SLC41A3: variants seen among roughly 807,000 people sequenced by gnomAD.
SLC41A3 encodes the protein solute carrier family 41 member 3.
In SLC41A3, 44 loss-of-function variants were observed where a neutral mutation model predicts 45.4. The observed-to-expected ratio is 0.97, with a 90% confidence interval of 0.76 to 1.25. The LOEUF (loss-of-function observed/expected upper bound fraction) is 1.25. Ranked by LOEUF, SLC41A3 falls within the 50% of genes most tolerant of loss-of-function variation. The probability of loss-of-function intolerance (pLI) is 0.00; values close to 1 mark genes in which losing one functional copy is unlikely to be tolerated. For missense variants in SLC41A3, 550 were observed against 600.6 expected (o/e 0.92, Z 0.88); for synonymous variants, 256 against 252.4 (o/e 1.01, Z -0.13).
chr3:126,082,732 C>T (rs573938015), intron 1 of SLC41A3, among the ~76,000 whole-genome samples: 2 of 152,362 alleles, frequency 1.3e-5, no homozygotes, highest in South Asian at 2.1e-4. Flanking sequence ...CACCCCAGTG[C>T]GAACACATCC....
chr3:126,022,866 G>T lies in SLC41A3; in HGVS notation c.665C>A (p.Thr222Lys), dbSNP rs371098646. 6.2e-7 allele frequency: 1 copy of T among 1,614,230 alleles called. No homozygotes were observed. The highest frequency in any genetic ancestry group is 8.5e-7 in the Non-Finnish European group (1 of 1,180,046). Residue 222 changes from threonine (T) to lysine (K), a missense_variant, in exon 6 of 11, where the codon ACG (threonine) becomes AAG (lysine). Coordinates refer to ENST00000360370, the MANE Select transcript of SLC41A3 (RefSeq NM_017836.4). Reference sequence around the variant, plus strand: ...GTCTCCCAGGCTGGCTGCAATGGGCGTGGCAATGTTGTCTGGGTTGACCCC... The same window carrying T: ...GTCTCCCAGGCTGGCTGCAATGGGCTTGGCAATGTTGTCTGGGTTGACCCC... ...KLGVNPDNIA[T>K]PIAASLGDLI...
At chr3:126,093,196 C>T (rs369378678) in intron 1 of SLC41A3, among the ~76,000 whole-genome samples, 44 of 152,258 alleles carry the variant, frequency 2.9e-4, no homozygotes, top group East Asian at 1.9e-3. Context: ...TTTAAACAAG[C>T]TATTCATACT....
At chr3:126,014,798 T>C (rs1940105047) in intron 8 of SLC41A3, among the ~76,000 whole-genome samples, 1 of 152,232 alleles carries the variant, frequency 6.6e-6, no homozygotes, top group Non-Finnish European at 1.5e-5. Context: ...TTCTCCTAAC[T>C]GATCACTTCC....
intron 1 of SLC41A3, among the ~76,000 whole-genome samples, chr3:126,097,569 A>T (rs758011179): frequency 6.6e-6 from 1 of 152,218 alleles, no homozygotes; most frequent in Non-Finnish European, 1.5e-5. Context: ...TACAATAATC[A>T]TGAAATATTT....
chr3:126,097,562 A>G (rs1007130726), intron 1 of SLC41A3, among the ~76,000 whole-genome samples: 3 of 152,212 alleles, frequency 2.0e-5, no homozygotes, highest in Non-Finnish European at 4.4e-5. Context: ...TTTGGCTTAC[A>G]ATAATCATGA....
At chr3:126,012,461 G>A (rs543560924) in intron 9 of SLC41A3, among the ~76,000 whole-genome samples, 154 bp downstream of exon 9, 24 of 152,262 alleles carry the variant, frequency 1.6e-4, no homozygotes, top group African/African-American at 5.3e-4. Context: ...AGGCAGGGCC[G>A]GGGAGTCTCA....
chr3:126,008,742 C>T lies in SLC41A3; in HGVS notation c.1244G>A (p.Gly415Asp), dbSNP rs1328040390. The T allele has an allele frequency of 6.2e-7, 1 of 1,613,942 alleles. No individual in the cohort carries two copies. Among genetic ancestry groups the T allele is most frequent in the African/African-American group, 1.3e-5 (1 of 75,028 alleles). ...QTFVVLYLLA[G>D]LIQVTILLYL... ...TGCAGCCAGGCTTACCTGGATCAGG[C>T]CTGCCAGCAGGTAGAGCACCACAAA... The change falls in exon 10 of 11, where the codon GGC (glycine) becomes GAC (aspartate). Residue 415 changes from glycine (G) to aspartate (D), a missense_variant. Gly to Asp is a moderately conservative substitution (Grantham distance 94, BLOSUM62 -1). Coordinates refer to ENST00000360370, the MANE Select transcript of SLC41A3 (RefSeq NM_017836.4).
intron 1 of SLC41A3, among the ~76,000 whole-genome samples, chr3:126,099,248 A>G (rs9840118): frequency 0.61 from 92,591 of 151,944 alleles, 28,669 homozygotes; most frequent in African/African-American, 0.71. Flanking sequence ...TTAGTGCTCC[A>G]GAGCCCGGGA....
At chr3:126,032,473 G>T (rs1270152650) in intron 4 of SLC41A3, among the ~76,000 whole-genome samples, 1 of 152,214 alleles carries the variant, frequency 6.6e-6, no homozygotes, top group Non-Finnish European at 1.5e-5. Flanking sequence ...GACAGGACAG[G>T]GTGATGTCCA....
intron 2 of SLC41A3, among the ~76,000 whole-genome samples, chr3:126,052,863 G>A (rs187958083): frequency 2.1e-3 from 323 of 152,188 alleles, no homozygotes; most frequent in African/African-American, 7.5e-3. Flanking sequence ...TCCGCAGCTC[G>A]AGTACCCTTC....
In SLC41A3 at chr3:126,006,870, T is replaced by A; in HGVS notation, c.*146A>T. 1 of 1,505,876 alleles carries A rather than the reference T, an allele frequency of 6.6e-7. No homozygotes were observed. Among genetic ancestry groups the A allele is most frequent in the Non-Finnish European group, 8.8e-7 (1 of 1,133,470 alleles). The allele number at this position is 1,505,876 out of a possible 1,614,324, so 93.3% of individuals were successfully genotyped here. ...GTATCAACCCCAGAGCCGAGGTGTG[T>A]GAGAGCTACCTTAGCAGACTCACAA... is the stretch of plus-strand genomic sequence containing the variant. On this transcript the variant is annotated 3_prime_UTR_variant, in exon 11 of 11. Coordinates refer to ENST00000360370, the MANE Select transcript of SLC41A3 (RefSeq NM_017836.4).
chr3:126,093,195 G>A (rs781281412), intron 1 of SLC41A3, among the ~76,000 whole-genome samples: 1 of 152,138 alleles, frequency 6.6e-6, no homozygotes, highest in Non-Finnish European at 1.5e-5. Context: ...ATTTAAACAA[G>A]CTATTCATAC....
At chr3:126,077,651 G>A (rs764004816) in intron 1 of SLC41A3, among the ~76,000 whole-genome samples, 1 of 152,204 alleles carries the variant, frequency 6.6e-6, no homozygotes, top group Admixed American at 6.5e-5. Context: ...AAGGAATGAG[G>A]TGGTAGGCTT....
intron 3 of SLC41A3, among the ~76,000 whole-genome samples, chr3:126,043,919 G>T (rs1942770758): frequency 6.6e-6 from 1 of 151,598 alleles, no homozygotes; most frequent in Non-Finnish European, 1.5e-5. Flanking sequence ...AATTGCAACG[G>T]TAAGTCCTTT....
upstream of SLC41A3, among the ~76,000 whole-genome samples, chr3:126,086,549 G>A (rs1246633846): frequency 1.5e-5 from 2 of 136,450 alleles, no homozygotes; most frequent in African/African-American, 2.8e-5. Context: ...TATTTAAAAG[G>A]ATTTTATAAT....
At chr3:126,077,307 G>A (rs1944924145) in intron 1 of SLC41A3, among the ~76,000 whole-genome samples, 1 of 152,140 alleles carries the variant, frequency 6.6e-6, no homozygotes, top group Non-Finnish European at 1.5e-5. Context: ...TTGAACCTGG[G>A]AGGCGGAAGC....
At chr3:126,064,655 C>T (rs895468393) in intron 2 of SLC41A3, among the ~76,000 whole-genome samples, 4 of 152,186 alleles carry the variant, frequency 2.6e-5, no homozygotes, top group Non-Finnish European at 5.9e-5. Flanking sequence ...TCTCTGCCCA[C>T]ATGAAACACC....
chr3:126,059,015 A>G (rs1943848040), intron 2 of SLC41A3, among the ~76,000 whole-genome samples: 1 of 151,584 alleles, frequency 6.6e-6, no homozygotes, highest in African/African-American at 2.4e-5. Context: ...CCACTTTTGC[A>G]TAACAGAAGC....
intron 3 of SLC41A3, among the ~76,000 whole-genome samples, chr3:126,043,795 T>C (rs1174585320): frequency 7.8e-6 from 1 of 127,438 alleles, no homozygotes; most frequent in African/African-American, 2.9e-5. Context: ...AATCAAAACA[T>C]ATCACTGCAA....
Sources: allele counts gnomAD v4.1 joint callset (sites outside exome capture counted in the v4.1 genomes callset), GRCh38; gene constraint gnomAD v4.1.1; transcripts MANE v1.5; gene names NCBI Gene and HGNC (gene_info 2026-07-23, HGNC 2026-07-21).